WDR49: variants seen among roughly 807,000 people sequenced by gnomAD.
WDR49 encodes the protein cilia- and flagella-associated protein 337.
In WDR49, 107 loss-of-function variants were observed where a neutral mutation model predicts 119.5. That is an observed-to-expected ratio of 0.90 (90% confidence interval 0.77 to 1.05). WDR49 has a LOEUF of 1.05. Ranked by LOEUF, WDR49 falls within the 50% of genes least tolerant of loss-of-function variation. The probability of loss-of-function intolerance (pLI) is 0.00; values close to 1 mark genes in which losing one functional copy is unlikely to be tolerated. For missense variants in WDR49, 1,240 were observed against 1,220.5 expected (o/e 1.02, Z -0.24); for synonymous variants, 425 against 418.8 (o/e 1.01, Z -0.18).
At chr3:167,506,658 C>A (rs79643163) in intron 16 of WDR49, among the ~76,000 whole-genome samples, 2 of 152,088 alleles carry the variant, frequency 1.3e-5, no homozygotes, top group Non-Finnish European at 2.9e-5. Flanking sequence ...CTTACACTAC[C>A]ATTTGTCACA....
intron 5 of WDR49, among the ~76,000 whole-genome samples, chr3:167,618,566 T>C (rs1327133011): frequency 6.6e-6 from 1 of 152,202 alleles, no homozygotes; most frequent in Admixed American, 6.5e-5. Flanking sequence ...ACGAATAAGA[T>C]AGCAAAGATT....
intron 15 of WDR49, among the ~76,000 whole-genome samples, chr3:167,525,868 A>AC (rs1305532803): frequency 1.3e-5 from 2 of 150,440 alleles, no homozygotes; most frequent in African/African-American, 4.9e-5. Context: ...CAACAAAAAA[A>AC]AACTTCCCTT....
In WDR49 at chr3:167,539,923, C is replaced by CAT. The variant is rs200311733; in HGVS notation, c.1824-2924_1824-2923insAT. 6.9e-3 allele frequency among the ~76,000 whole-genome samples: 1,048 copies of CAT among 152,210 alleles called. 6 individuals carry two copies. Among genetic ancestry groups the CAT allele is most frequent in the East Asian group, 0.031 (161 of 5,176 alleles). On this transcript the variant is annotated intron_variant, in intron 10 of 18. Transcript: ENST00000682715. ...GCAGTGTCTAGAATAATACCTACCACGATAGGCATTTAACAAATATTTGCT... is the reference window on the plus strand; with the variant it reads ...GCAGTGTCTAGAATAATACCTACCACATGATAGGCATTTAACAAATATTTGCT...
chr3:167,524,870 G>T (rs552779964), intron 15 of WDR49, among the ~76,000 whole-genome samples: 1 of 152,216 alleles, frequency 6.6e-6, no homozygotes, highest in African/African-American at 2.4e-5. Context: ...TTTTGCTTAG[G>T]ATTGTATTGG....
intron 2 of WDR49, among the ~76,000 whole-genome samples, chr3:167,635,748 A>T: frequency 6.6e-6 from 1 of 151,568 alleles, no homozygotes; most frequent in East Asian, 1.9e-4. Context: ...CCAGATCCTG[A>T]AAATAAATGT....
intron 18 of WDR49, among the ~76,000 whole-genome samples, chr3:167,483,828 TA>T (rs1397952904): frequency 1.3e-5 from 2 of 152,206 alleles, no homozygotes; most frequent in Non-Finnish European, 2.9e-5. Context: ...AAAGGGTCTT[TA>T]TAGATGAGGC....
rs1024635624 is a variant in WDR49, at chr3:167,536,956, A to T, written c.1868T>A (p.Ile623Asn). 1 of 1,591,088 alleles carries T rather than the reference A, an allele frequency of 6.3e-7. No individual in the cohort carries two copies. The change falls in exon 11 of 19, where the codon ATC (isoleucine) becomes AAC (asparagine). Residue 623 changes from isoleucine (I) to asparagine (N), a missense_variant. Physicochemically the swap from Ile to Asn is moderately radical, Grantham distance 149. Transcript: ENST00000682715. ...FRPQNFNQFF[I>N]QPEEWKGGIQ... ...ACCTCCTTTCCATTCTTCAGGCTGG[A>T]TGAAAAATTGATTGAAGTTTTGGGG...
chr3:167,641,714 A>G (rs1315195751), intron 2 of WDR49, among the ~76,000 whole-genome samples: 7 of 151,926 alleles, frequency 4.6e-5, no homozygotes, highest in Non-Finnish European at 8.8e-5. Context: ...AGATTTAAAT[A>G]TTTTCAGAAT....
intron 5 of WDR49, among the ~76,000 whole-genome samples, chr3:167,619,463 G>A (rs1412113199): frequency 6.6e-6 from 1 of 152,074 alleles, no homozygotes; most frequent in African/African-American, 2.4e-5. Flanking sequence ...GCCATGGTAT[G>A]ATTTATATCA....
chr3:167,547,673 C>A (rs1168547777), intron 10 of WDR49, among the ~76,000 whole-genome samples: 6 of 143,838 alleles, frequency 4.2e-5, no homozygotes, highest in African/African-American at 1.0e-4. Context: ...TTTTTTTTTA[C>A]ATTTAAAATA....
chr3:167,517,675 TA>T (rs139970274), intron 16 of WDR49, among the ~76,000 whole-genome samples: 4,558 of 151,838 alleles, frequency 0.03, 212 homozygotes, highest in African/African-American at 0.1. Context: ...ACCAATGAGA[TA>T]TTTTTTTTTT....
intron 18 of WDR49, among the ~76,000 whole-genome samples, chr3:167,485,044 G>A (rs565945646): frequency 6.6e-6 from 1 of 152,190 alleles, no homozygotes; most frequent in African/African-American, 2.4e-5. Context: ...TCCTTTGCAG[G>A]GACATGGATG....
At chr3:167,640,879 G>A (rs1172714881) in intron 2 of WDR49, among the ~76,000 whole-genome samples, 1 of 151,732 alleles carries the variant, frequency 6.6e-6, no homozygotes, top group African/African-American at 2.4e-5. Flanking sequence ...AAACCCCACA[G>A]GCAATATGGC....
At chr3:167,502,040 C>T (rs961941715) in intron 17 of WDR49, among the ~76,000 whole-genome samples, 2 of 152,088 alleles carry the variant, frequency 1.3e-5, no homozygotes, top group African/African-American at 2.4e-5. Flanking sequence ...GGATTATGGG[C>T]ACATATTTTT....
chr3:167,631,390 T>C (rs922430762), intron 2 of WDR49, among the ~76,000 whole-genome samples: 1 of 152,132 alleles, frequency 6.6e-6, no homozygotes, highest in African/African-American at 2.4e-5. Context: ...GAGTGTTGCC[T>C]TGTTTGATTC....
chr3:167,639,846 G>A (rs1356765407), intron 2 of WDR49, among the ~76,000 whole-genome samples: 2 of 151,632 alleles, frequency 1.3e-5, no homozygotes, highest in African/African-American at 2.4e-5. Context: ...CACAGCATTG[G>A]AAAAGCATCC....
At chr3:167,498,875 G>T (rs978447624) in intron 18 of WDR49, among the ~76,000 whole-genome samples, 7 of 152,094 alleles carry the variant, frequency 4.6e-5, no homozygotes, top group African/African-American at 1.7e-4. Context: ...AGGAAAAGTG[G>T]GGTAGACAGC....
chr3:167,500,253 T>C lies in WDR49; in HGVS notation c.2931A>G (p.Glu977=). 1.2e-6 allele frequency: 2 copies of C among 1,607,684 alleles called. No individual in the cohort carries two copies. The highest frequency in any genetic ancestry group is 1.7e-6 in the Non-Finnish European group (2 of 1,178,110). The change falls in exon 18 of 19, where the codon GAA becomes GAG. Residue 977 remains glutamate (E), a synonymous_variant. Transcript: ENST00000682715. ...LNIGALEELP[E]VNKPAFLLDP... The stretch of plus-strand genomic sequence containing the variant: ...CTAGAAGGAAAGCAGGTTTATTCAC[T>C]TCAGGCAGCTCTTCCAGGGCTCCAA...
intron 8 of WDR49, among the ~76,000 whole-genome samples, chr3:167,573,095 G>A (rs924047635): frequency 3.9e-5 from 6 of 152,090 alleles, no homozygotes; most frequent in Non-Finnish European, 8.8e-5. Flanking sequence ...CTTTGGTATG[G>A]GGGACTTTAA....
Sources: allele counts gnomAD v4.1 joint callset (sites outside exome capture counted in the v4.1 genomes callset), GRCh38; gene constraint gnomAD v4.1.1; transcripts MANE v1.5; gene names NCBI Gene and HGNC (gene_info 2026-07-23, HGNC 2026-07-21).